The following DSE variants were observed in gnomAD, a reference collection of about 807,000 sequenced individuals.
The protein encoded by DSE is dermatan sulfate epimerase, also known as dermatan-sulfate epimerase.
DSE carries 36 observed loss-of-function variants against 84.4 expected under a neutral mutation model. The observed-to-expected ratio is 0.43, with a 90% CI of 0.33 to 0.56. DSE has a LOEUF of 0.56. Ranked by LOEUF, DSE falls within the 20% of genes least tolerant of loss-of-function variation. DSE has a pLI of 0.06. For missense variants in DSE, 862 were observed against 1,169.6 expected, an observed-to-expected ratio of 0.74 and a Z score of 3.84; for synonymous variants, 410 against 430.1, an observed-to-expected ratio of 0.95 and a Z score of 0.58.
At chr6:116,298,877 A>G (rs558992825) in intron 2 of DSE, among the ~76,000 whole-genome samples, 13 of 152,304 alleles carry the variant, frequency 8.5e-5, no homozygotes, top group African/African-American at 3.1e-4. Context: ...CATTAACACA[A>G]TTCTTAATAA....
At chr6:116,370,240 T>A (rs950825692), upstream of DSE, 1 of 259,612 alleles carries the variant, frequency 3.9e-6, no homozygotes, top group African/African-American at 2.2e-5. Flanking sequence ...AATTTCTGTT[T>A]GTGAGCTGCC....
At chr6:116,277,416 C>G (rs1349392943) in intron 2 of DSE, 1 of 152,674 alleles carries the variant, frequency 6.5e-6, no homozygotes, top group East Asian at 1.9e-4. Context: ...ATGCCTCTAG[C>G]CTTTTGTTCA....
At chr6:116,260,271 T>C (rs1352859478) in intron 2 of DSE, among the ~76,000 whole-genome samples, 1 of 152,230 alleles carries the variant, frequency 6.6e-6, no homozygotes, top group Non-Finnish European at 1.5e-5. Flanking sequence ...GAATATTGGC[T>C]GCATGTATGT....
At chr6:116,315,626 A>G (rs1349124122) in intron 2 of DSE, among the ~76,000 whole-genome samples, 2 of 152,174 alleles carry the variant, frequency 1.3e-5, no homozygotes, top group Admixed American at 1.3e-4. Flanking sequence ...TGTTATACTG[A>G]CTAAAATTAG....
At position 116,279,611 on chromosome 6, in the gene DSE, C is replaced by G. The variant is rs3749895; in HGVS notation, c.-54+20644C>G. The G allele has an allele frequency of 0.32, 507,025 of 1,602,222 alleles. 88,037 individuals are homozygous for G. Among genetic ancestry groups the G allele is most frequent in the East Asian group, 0.65 (28,969 of 44,840 alleles). The stretch of plus-strand genomic sequence containing the variant: ...TGGGGAGTACCGCCACGGCCCGCGG[C>G]ATCCTGGGGTACGCCCCCCTCCTCT... On this transcript the variant is annotated intron_variant, in intron 2 of 3. Transcript: ENST00000430252.
chr6:116,442,569 A>G lies in DSE; in HGVS notation c.*5224A>G, dbSNP rs1158463807. On this transcript the variant is annotated 3_prime_UTR_variant, in exon 6 of 6. Transcript: ENST00000644252. ...GGAATAGAATAAAGAAAAAAGTACGAAAAAGCAAACCTGGTTCAGGAATTC... is the reference window on the plus strand; with the variant it reads ...GGAATAGAATAAAGAAAAAAGTACGGAAAAGCAAACCTGGTTCAGGAATTC... 1 of 152,292 alleles carries G rather than the reference A, an allele frequency of 6.6e-6. No individual in the cohort carries two copies. The highest frequency in any genetic ancestry group is 2.4e-5 in the African/African-American group (1 of 41,530). The allele number at this position is 152,292 out of a possible 1,614,324, so 9.4% of individuals were successfully genotyped here. A position where few individuals can be genotyped will look rare whatever the true frequency, so the allele number is the denominator to read the frequency against.
At chr6:116,323,940 C>A (rs1776474267) in intron 2 of DSE, among the ~76,000 whole-genome samples, 2 of 152,066 alleles carry the variant, frequency 1.3e-5, no homozygotes, top group African/African-American at 4.8e-5. Context: ...GCTGATTTAT[C>A]CAACTCTTCT....
At chr6:116,369,972 G>C (rs1779409345), upstream of DSE, 21 of 1,287,890 alleles carry the variant, frequency 1.6e-5, no homozygotes, top group Non-Finnish European at 1.9e-5. Context: ...TCTAGGTCTG[G>C]TAGGTTACTT....
At chr6:116,333,614 T>A (rs1777079069) in intron 2 of DSE, among the ~76,000 whole-genome samples, 1 of 152,178 alleles carries the variant, frequency 6.6e-6, no homozygotes, top group African/African-American at 2.4e-5. Flanking sequence ...ACTTTACAGA[T>A]GAGAAAAGTG....
chr6:116,433,217 C>T, intron 4 of DSE, 126 bp from the exon 5 acceptor site: 1 of 913,868 alleles, frequency 1.1e-6, no homozygotes, highest in Admixed American at 2.8e-5. Flanking sequence ...TGTGATTTTT[C>T]TTTTATTTTA....
intron 3 of DSE, among the ~76,000 whole-genome samples, chr6:116,427,447 C>A (rs993060705): frequency 6.6e-6 from 1 of 152,146 alleles, no homozygotes; most frequent in African/African-American, 2.4e-5. Context: ...GCTCTGAGAT[C>A]ACAGGGAATT....
At chr6:116,278,249 C>T in intron 2 of DSE, 1 of 458,900 alleles carries the variant, frequency 2.2e-6, no homozygotes, top group African/African-American at 2.0e-5. Flanking sequence ...TCTACAGTAT[C>T]ATTTGCTTGG....
intron 2 of DSE, among the ~76,000 whole-genome samples, chr6:116,342,265 G>A (rs1183583741): frequency 1.4e-5 from 2 of 146,782 alleles, no homozygotes; most frequent in Non-Finnish European, 3.0e-5. Flanking sequence ...ACTTTATGAA[G>A]GCTATTATTG....
At chr6:116,392,222 T>C (rs1399936068) in intron 1 of DSE, among the ~76,000 whole-genome samples, 1 of 152,188 alleles carries the variant, frequency 6.6e-6, no homozygotes, top group Non-Finnish European at 1.5e-5. Context: ...CCTAATGCTC[T>C]CAGGCAATCA....
At position 116,425,337 on chromosome 6, in the gene DSE, GC is replaced by G. The variant is rs1458125367; in HGVS notation, c.417-1236del. ...GAGGTTCATGGCATAGAAATGTTAAGCTTTAGCTTCATCCCTAATTGCTTTC... is the reference window on the plus strand; with the variant it reads ...GAGGTTCATGGCATAGAAATGTTAAGTTTAGCTTCATCCCTAATTGCTTTC... On this transcript the variant is annotated intron_variant, in intron 2 of 5. Transcript: ENST00000644252. Among the ~76,000 whole-genome samples the G allele has an allele frequency of 1.4e-4, 21 of 152,118 alleles. 1 individual carries two copies. The highest frequency in any genetic ancestry group is 1.4e-3 in the Admixed American group (21 of 15,284).
intron 4 of DSE, 29 bp downstream of exon 4, chr6:116,431,222 C>T (rs1430919964): frequency 6.2e-7 from 1 of 1,608,168 alleles, no homozygotes; most frequent in Non-Finnish European, 8.5e-7. Context: ...AGTGTGAAAA[C>T]ATTAAACTAT....
intron 2 of DSE, among the ~76,000 whole-genome samples, chr6:116,358,181 C>G (rs1352179323): frequency 6.6e-6 from 1 of 152,176 alleles, no homozygotes; most frequent in Admixed American, 6.5e-5. Flanking sequence ...GAGTCTCTTT[C>G]CTACATGACT....
At chr6:116,328,528 T>A (rs1226057574) in intron 2 of DSE, among the ~76,000 whole-genome samples, 2 of 152,204 alleles carry the variant, frequency 1.3e-5, no homozygotes, top group Non-Finnish European at 2.9e-5. Context: ...TCTGTAAGAC[T>A]GACCAAAATT....
intron 1 of DSE, among the ~76,000 whole-genome samples, chr6:116,389,071 G>A (rs1250797321): frequency 1.3e-5 from 2 of 152,116 alleles, no homozygotes; most frequent in African/African-American, 4.8e-5. Context: ...TCCTCCTGGG[G>A]TCATGGTGCA....
Sources: allele counts gnomAD v4.1 joint callset (sites outside exome capture counted in the v4.1 genomes callset), GRCh38; gene constraint gnomAD v4.1.1; transcripts MANE v1.5; gene names NCBI Gene and HGNC (gene_info 2026-07-23, HGNC 2026-07-21).